Variants in CRISPLD1 observed in about 807,000 individuals in gnomAD.
CRISPLD1 encodes cysteine rich secretory protein LCCL domain containing 1.
In CRISPLD1, 60 loss-of-function variants were observed where a neutral mutation model predicts 77.5. The ratio of observed to expected loss-of-function variants is 0.77; its 90% confidence interval spans 0.63 to 0.96. CRISPLD1 has a LOEUF of 0.96. CRISPLD1 is among the 40% of genes least tolerant of loss of function. The pLI is 0.00. For synonymous variants in CRISPLD1, 195 were observed against 200.1 expected, an observed-to-expected ratio of 0.97 and a Z score of 0.22; for missense variants, 623 against 615.8, an observed-to-expected ratio of 1.01 and a Z score of -0.12.
At chr8:75,029,284 C>T (rs1332593500) in intron 13 of CRISPLD1, 103 bp from the exon 14 acceptor site, 7 of 1,162,540 alleles carry the variant, frequency 6.0e-6, no homozygotes, top group African/African-American at 4.7e-5. Flanking sequence ...CTATCCATGA[C>T]ATCAGGATGT....
At position 75,034,434 on chromosome 8, in the gene CRISPLD1, G is replaced by A. The variant is rs1325429582; in HGVS notation, c.*2192G>A. 6.6e-6 allele frequency: 1 copy of A among 151,964 alleles called. No individual in the cohort carries two copies. Among genetic ancestry groups the A allele is most frequent in the East Asian group, 1.9e-4 (1 of 5,172 alleles). The allele number at this position is 151,964 out of a possible 1,614,324, so 9.4% of individuals were successfully genotyped here. A position where few individuals can be genotyped will look rare whatever the true frequency, so the allele number is the denominator to read the frequency against. On this transcript the variant is annotated 3_prime_UTR_variant, in exon 15 of 15. Transcript: ENST00000262207. ...TAATCATTTTTGTTATCTAATTTGG[G>A]GAAACTATTCATCTGTCATATACTA... is the stretch of plus-strand genomic sequence containing the variant.
At chr8:75,011,973 A>G (rs999832256) in intron 2 of CRISPLD1, among the ~76,000 whole-genome samples, 1 of 152,146 alleles carries the variant, frequency 6.6e-6, no homozygotes, top group African/African-American at 2.4e-5. Context: ...TGTCACAGAA[A>G]AAGTATTTTA....
Position 75,014,795 on chromosome 8 carries a change from C to A in CRISPLD1, c.627-17C>A. 1 of 1,544,338 alleles carries A rather than the reference C, an allele frequency of 6.5e-7. No individual in the cohort carries two copies. Among genetic ancestry groups the A allele is most frequent in the Non-Finnish European group, 8.9e-7 (1 of 1,123,300 alleles). The stretch of plus-strand genomic sequence containing the variant: ...GCCATTAGACTACTTTTTAATAGAG[C>A]GTATCATCTCTTAAAGGGGAAACTG... On this transcript the variant is annotated splice_polypyrimidine_tract_variant and intron_variant, in intron 5 of 14. Coordinates refer to ENST00000262207, the MANE Select transcript of CRISPLD1 (RefSeq NM_031461.6).
chr8:74,993,471 A>G (rs1479045580), intron 2 of CRISPLD1, among the ~76,000 whole-genome samples: 1 of 152,214 alleles, frequency 6.6e-6, no homozygotes, highest in Non-Finnish European at 1.5e-5. Context: ...TTGCTTTAAT[A>G]GTATTACTGA....
At chr8:75,016,178 C>T (rs1813023732) in intron 6 of CRISPLD1, among the ~76,000 whole-genome samples, 1 of 152,030 alleles carries the variant, frequency 6.6e-6, no homozygotes, top group Non-Finnish European at 1.5e-5. Flanking sequence ...TGTGATCCTC[C>T]TGAAAATATT....
At chr8:74,993,785 A>G (rs1225605450) in intron 2 of CRISPLD1, among the ~76,000 whole-genome samples, 1 of 152,240 alleles carries the variant, frequency 6.6e-6, no homozygotes, top group East Asian at 1.9e-4. Flanking sequence ...GCTTTTATTC[A>G]TTCCTTTATT....
intron 12 of CRISPLD1, among the ~76,000 whole-genome samples, chr8:75,021,729 C>G (rs1813139672): frequency 6.6e-6 from 1 of 151,866 alleles, no homozygotes; most frequent in Admixed American, 6.6e-5. Context: ...TCTCAAGACC[C>G]CTACACTTAC....
rs575106264 is a variant in CRISPLD1, at chr8:74,984,510, C to G, written c.-473C>G. ...CGCGAACGCGAGAGAGCGACGGAAGCGCTAGGCGCCTGGTTCTGCGCGTAC... is the reference window on the plus strand; with the variant it reads ...CGCGAACGCGAGAGAGCGACGGAAGGGCTAGGCGCCTGGTTCTGCGCGTAC... On this transcript the variant is annotated 5_prime_UTR_variant, in exon 1 of 15. Transcript: ENST00000262207. 2.5e-4 allele frequency: 38 copies of G among 152,400 alleles called. No homozygotes were observed. Among genetic ancestry groups the G allele is most frequent in the African/African-American group, 8.7e-4 (36 of 41,590 alleles). 9.4% of individuals were successfully genotyped at this position (152,400 alleles called of 1,614,324 possible).
intron 2 of CRISPLD1, among the ~76,000 whole-genome samples, chr8:74,996,088 CACAT>C (rs1458510424): frequency 9.3e-5 from 14 of 150,374 alleles, no homozygotes; most frequent in African/African-American, 3.4e-4. Context: ...TATATACATG[CACAT>C]ACATCATGGA....
At chr8:75,008,981 G>C (rs1460035275) in intron 2 of CRISPLD1, among the ~76,000 whole-genome samples, 2 of 152,040 alleles carry the variant, frequency 1.3e-5, no homozygotes, top group African/African-American at 2.4e-5. Context: ...AACTAGTTAG[G>C]AACTAGTTGT....
chr8:75,011,473 G>A (rs1288164370), intron 2 of CRISPLD1, among the ~76,000 whole-genome samples: 2 of 151,880 alleles, frequency 1.3e-5, no homozygotes, highest in Non-Finnish European at 2.9e-5. Flanking sequence ...CATGCCCGGA[G>A]TCTGTAATTG....
At chr8:75,021,303 A>G (rs150631405) in intron 12 of CRISPLD1, among the ~76,000 whole-genome samples, 2 of 152,322 alleles carry the variant, frequency 1.3e-5, no homozygotes, top group African/African-American at 4.8e-5. Flanking sequence ...ATTTTCTGTC[A>G]GTTTCTAAGT....
At chr8:74,985,861 T>C in intron 1 of CRISPLD1, 65 bp from the exon 2 acceptor site, 1 of 1,055,312 alleles carries the variant, frequency 9.5e-7, no homozygotes, top group Non-Finnish European at 1.4e-6. Context: ...GTTGTTTTGC[T>C]CGTGTTATTA....
At chr8:74,998,382 T>G (rs1404777628) in intron 2 of CRISPLD1, among the ~76,000 whole-genome samples, 1 of 152,110 alleles carries the variant, frequency 6.6e-6, no homozygotes, top group African/African-American at 2.4e-5. Context: ...TGTTTTACCA[T>G]GCTTTGAAGT....
chr8:75,030,499 T>C (rs1388386878), intron 14 of CRISPLD1, among the ~76,000 whole-genome samples: 1 of 152,112 alleles, frequency 6.6e-6, no homozygotes, highest in Non-Finnish European at 1.5e-5. Flanking sequence ...TATGTATGCC[T>C]CGTAATTCTT....
intron 12 of CRISPLD1, 152 bp downstream of exon 12, chr8:75,020,231 G>C (rs1224781386): frequency 3.1e-6 from 2 of 641,406 alleles, no homozygotes; most frequent in Admixed American, 2.8e-5. Flanking sequence ...CTCCAGGCAG[G>C]CCTAGTGTAC....
At chr8:74,988,650 A>T (rs1812529370) in intron 2 of CRISPLD1, among the ~76,000 whole-genome samples, 1 of 152,136 alleles carries the variant, frequency 6.6e-6, no homozygotes, top group Non-Finnish European at 1.5e-5. Flanking sequence ...CCTGGCCAAC[A>T]TGGTGAAACC....
chr8:75,016,467 C>T, intron 6 of CRISPLD1, 98 bp from the exon 7 acceptor site: 5 of 1,214,680 alleles, frequency 4.1e-6, no homozygotes, highest in Non-Finnish European at 4.5e-6. Flanking sequence ...TTTTCTAGTT[C>T]TAAATGTTAA....
Position 74,989,915 on chromosome 8 carries a change from C to T in CRISPLD1, c.258+3670C>T, listed in dbSNP as rs1389741224. Among the ~76,000 whole-genome samples, 6 of 152,106 alleles carry T rather than the reference C, an allele frequency of 3.9e-5. 1 individual carries two copies. The highest frequency in any genetic ancestry group is 5.9e-5 in the Non-Finnish European group (4 of 67,980). ...CTTTAATTCATAAATCATGCAGTGT[C>T]GCTCAGCCATAAAAAAGAATGAAAT... On this transcript the variant is annotated intron_variant, in intron 2 of 14. Transcript: ENST00000262207.
Sources: gnomAD v4.1 joint callset for allele counts (sites outside exome capture counted in the v4.1 genomes callset) on GRCh38, gnomAD v4.1.1 for gene constraint, MANE v1.5 for transcripts, NCBI Gene and HGNC (gene_info 2026-07-23, HGNC 2026-07-21) for gene names.